Variants in DENND1B observed in about 807,000 individuals in gnomAD.
DENND1B encodes the protein DENN domain containing 1B, also known as DENN domain-containing protein 1B.
DENND1B carries 59 observed loss-of-function variants against 90.1 expected under a neutral mutation model. That is an observed-to-expected ratio of 0.65 (90% CI 0.53 to 0.81). DENND1B has a LOEUF of 0.81. Ranked by LOEUF, DENND1B falls within the 40% of genes least tolerant of loss-of-function variation. The pLI is 0.00. For synonymous variants in DENND1B, 337 were observed against 324.6 expected, an observed-to-expected ratio of 1.04 and a Z score of -0.41; for missense variants, 862 against 912.6, an observed-to-expected ratio of 0.94 and a Z score of 0.71.
chr1:197,582,941 C>CA (rs1363651640), intron 15 of DENND1B, among the ~76,000 whole-genome samples: 1 of 152,132 alleles, frequency 6.6e-6, no homozygotes, highest in African/African-American at 2.4e-5. Flanking sequence ...AGCTCAGCCA[C>CA]ATTTGATGAG....
intron 10 of DENND1B, among the ~76,000 whole-genome samples, chr1:197,627,916 C>G (rs922430350): frequency 6.6e-6 from 1 of 152,016 alleles, no homozygotes; most frequent in African/African-American, 2.4e-5. Flanking sequence ...GAGTTAACTC[C>G]CATTCACAAT....
At chr1:197,577,208 A>G (rs1558262620) in intron 15 of DENND1B, among the ~76,000 whole-genome samples, 1 of 152,218 alleles carries the variant, frequency 6.6e-6, no homozygotes, top group African/African-American at 2.4e-5. Flanking sequence ...TCAGACATGA[A>G]CAGAGCTCTA....
intron 5 of DENND1B, among the ~76,000 whole-genome samples, 161 bp from the exon 6 acceptor site, chr1:197,658,530 T>C (rs953738197): frequency 2.6e-5 from 4 of 151,968 alleles, no homozygotes; most frequent in Non-Finnish European, 5.9e-5. Flanking sequence ...TTACATATTA[T>C]TTATTACTAG....
In DENND1B at chr1:197,772,850, A is replaced by T. The variant is rs901306959; in HGVS notation, c.82+18T>A. Reference sequence around the variant, plus strand: ...AAAAAGAGACCTTGTCAAATAACAGAACACAGAAGACACATACCTTCATTT... The same window carrying T: ...AAAAAGAGACCTTGTCAAATAACAGTACACAGAAGACACATACCTTCATTT... On this transcript the variant is annotated intron_variant, in intron 2 of 22. Coordinates refer to ENST00000620048, the MANE Select transcript of DENND1B (RefSeq NM_001195215.2). 3 of 1,544,362 alleles carry T rather than the reference A, an allele frequency of 1.9e-6. No homozygotes were observed. The highest frequency in any genetic ancestry group is 1.7e-6 in the Non-Finnish European group (2 of 1,143,970).
At position 197,647,126 on chromosome 1, in the gene DENND1B, T is replaced by C. The variant is rs761122073; in HGVS notation, c.448-12A>G. On this transcript the variant is annotated splice_polypyrimidine_tract_variant and intron_variant, in intron 7 of 22. Transcript: ENST00000620048. ...AATATCTCTTGGTTCTTATAATACA[T>C]GAGAGAAAAAAATGAATATTTTACT... is the stretch of plus-strand genomic sequence containing the variant. 6.3e-6 allele frequency: 9 copies of C among 1,425,914 alleles called. No homozygotes were observed. In the East Asian group the frequency reaches 2.7e-4, roughly 43 times the overall value. The allele number at this position is 1,425,914 out of a possible 1,614,324, so 88.3% of individuals were successfully genotyped here.
chr1:197,514,366 T>TA lies in DENND1B; in HGVS notation c.1516-1414_1516-1413insT, dbSNP rs562497981. 1.1e-3 allele frequency among the ~76,000 whole-genome samples: 172 copies of TA among 151,688 alleles called. 1 individual carries two copies. The East Asian group carries it at 0.014, about 13-fold the overall frequency. ...CCTAACAATCTCTAAAGGCAAGTCA[T>TA]GAGGGTCTTTTTTTTAAATTCCCAT... On this transcript the variant is annotated intron_variant, in intron 20 of 22. Coordinates refer to ENST00000620048, the MANE Select transcript of DENND1B (RefSeq NM_001195215.2).
At chr1:197,746,568 C>T (rs1663778627) in intron 2 of DENND1B, among the ~76,000 whole-genome samples, 1 of 152,014 alleles carries the variant, frequency 6.6e-6, no homozygotes, top group Admixed American at 6.6e-5. Flanking sequence ...TCATTTTATT[C>T]ACTTCAGTAC....
At chr1:197,552,305 G>A in intron 16 of DENND1B, 11 of 981,326 alleles carry the variant, frequency 1.1e-5, no homozygotes, top group Non-Finnish European at 1.3e-5. Flanking sequence ...TTAGAACAGT[G>A]CCTAATACAT....
At chr1:197,612,971 G>A (rs928016778) in intron 11 of DENND1B, among the ~76,000 whole-genome samples, 3 of 150,716 alleles carry the variant, frequency 2.0e-5, no homozygotes, top group African/African-American at 7.3e-5. Context: ...TATCTACGAA[G>A]TCAATAGCAG....
intron 19 of DENND1B, 38 bp from the exon 20 acceptor site, chr1:197,540,109 T>A: frequency 7.0e-7 from 1 of 1,420,342 alleles, no homozygotes; most frequent in Non-Finnish European, 9.8e-7. Context: ...AATTGTAAAG[T>A]ACTCCTTTTA....
At chr1:197,621,034 G>A (rs941525410) in intron 10 of DENND1B, among the ~76,000 whole-genome samples, 1 of 151,302 alleles carries the variant, frequency 6.6e-6, no homozygotes, top group Non-Finnish European at 1.5e-5. Context: ...AATTAAACGA[G>A]GCATTCAGAA....
chr1:197,655,057 T>C (rs1653659117), intron 6 of DENND1B, among the ~76,000 whole-genome samples: 1 of 152,190 alleles, frequency 6.6e-6, no homozygotes, highest in Admixed American at 6.5e-5. Flanking sequence ...AATAAATGAT[T>C]GTATACTGAA....
At chr1:197,644,612 G>A (rs1680567729) in intron 9 of DENND1B, among the ~76,000 whole-genome samples, 1 of 147,988 alleles carries the variant, frequency 6.8e-6, no homozygotes, top group Non-Finnish European at 1.5e-5. Flanking sequence ...CAATACTTTA[G>A]GATCCATTAT....
intron 15 of DENND1B, among the ~76,000 whole-genome samples, chr1:197,579,883 C>G (rs532376392): frequency 2.0e-5 from 3 of 152,144 alleles, no homozygotes; most frequent in African/African-American, 7.2e-5. Flanking sequence ...ATTGGCTTTG[C>G]ACTCTTTGAA....
At chr1:197,643,357 A>T (rs1680446915) in intron 9 of DENND1B, among the ~76,000 whole-genome samples, 1 of 151,954 alleles carries the variant, frequency 6.6e-6, no homozygotes, top group Non-Finnish European at 1.5e-5. Context: ...GGGTTTCACC[A>T]TGTTGGCCGG....
intron 3 of DENND1B, chr1:197,688,991 T>A (rs1362191204): frequency 4.6e-6 from 1 of 215,428 alleles, no homozygotes; most frequent in African/African-American, 2.3e-5. Context: ...TATCTCCACA[T>A]GGGAATCTGA....
rs751717901 is a variant in DENND1B, at chr1:197,595,289, C to T, written c.966G>A (p.Thr322=). ...KNKLKKQSTA[T]GDGVARAFLR... ...GAAAGGCCCTAGCTACTCCATCACC[C>T]GTAGCTGTAGACTGCTTCTTCAGTT... Residue 322 remains threonine, a synonymous_variant, in exon 14 of 23, where the codon ACG becomes ACA. Coordinates refer to ENST00000620048, the MANE Select transcript of DENND1B (RefSeq NM_001195215.2). 4.3e-6 allele frequency: 7 copies of T among 1,613,092 alleles called. No individual in the cohort carries two copies. In the African/African-American group the frequency reaches 5.3e-5, roughly 12 times the overall value.
chr1:197,651,645 CTTTTTTTTTTTTT>C (rs34012616), intron 7 of DENND1B, among the ~76,000 whole-genome samples: 4 of 61,522 alleles, frequency 6.5e-5, no homozygotes, highest in Non-Finnish European at 2.9e-5. Flanking sequence ...ATCAATGCTT[CTTTTTTTTTTTTT>C]TTTTTTTTTT....
intron 18 of DENND1B, among the ~76,000 whole-genome samples, chr1:197,544,217 C>T (rs1374697778): frequency 1.3e-5 from 2 of 151,894 alleles, no homozygotes; most frequent in Non-Finnish European, 2.9e-5. Context: ...TTTTTGTGTA[C>T]GGTTCAGAAA....
Sources: allele counts gnomAD v4.1 joint callset (sites outside exome capture counted in the v4.1 genomes callset), GRCh38; gene constraint gnomAD v4.1.1; transcripts MANE v1.5; gene names NCBI Gene and HGNC (gene_info 2026-07-23, HGNC 2026-07-21).